Variants in NTM observed in about 807,000 individuals in gnomAD.
NTM encodes the protein IgLON family member 2.
NTM carries 13 observed loss-of-function variants against 42.1 expected under a neutral mutation model. The observed-to-expected ratio is 0.31, with a 90% CI of 0.20 to 0.49. The LOEUF (loss-of-function observed/expected upper bound fraction) is 0.49. NTM is among the 20% of genes least tolerant of loss of function. NTM has a pLI of 0.99. For missense variants in NTM, 373 were observed against 452.8 expected, an observed-to-expected ratio of 0.82 and a Z score of 1.60; for synonymous variants, 187 against 179.2, an observed-to-expected ratio of 1.04 and a Z score of -0.35.
At chr11:131,969,376 C>T (rs2063242368) in intron 2 of NTM, among the ~76,000 whole-genome samples, 1 of 152,246 alleles carries the variant, frequency 6.6e-6, no homozygotes, top group Admixed American at 6.5e-5. Flanking sequence ...ATGCTAGAAT[C>T]TACTCCATTC....
At chr11:132,114,424 G>T (rs1357142844) in intron 2 of NTM, among the ~76,000 whole-genome samples, 2 of 152,144 alleles carry the variant, frequency 1.3e-5, no homozygotes, top group East Asian at 3.9e-4. Context: ...GCCTTGGTTG[G>T]ATTGCAGTTG....
intron 4 of NTM, among the ~76,000 whole-genome samples, chr11:132,297,203 C>A (rs1373020494): frequency 1.3e-5 from 2 of 152,208 alleles, no homozygotes; most frequent in African/African-American, 4.8e-5. Context: ...AGTTTTCTCC[C>A]AGAATCTGAT....
rs139098265 is a variant in NTM at position 131,458,184 on chromosome 11, G to A, written c.82+87296G>A. Among the ~76,000 whole-genome samples the A allele has an allele frequency of 4.7e-3, 719 of 152,306 alleles. 6 individuals are homozygous for A. Among genetic ancestry groups the A allele is most frequent in the African/African-American group, 0.017 (692 of 41,554 alleles). ...CCTGGAGGCAGGAGGATGAAAAGAAGAGAGTGGGTTCTTGGTTTACAGGTG... is the reference window on the plus strand; with the variant it reads ...CCTGGAGGCAGGAGGATGAAAAGAAAAGAGTGGGTTCTTGGTTTACAGGTG... On this transcript the variant is annotated intron_variant, in intron 1 of 8. Coordinates refer to ENST00000683400, the MANE Select transcript of NTM (RefSeq NM_001352005.2).
chr11:131,432,958 C>A (rs1430669170), intron 1 of NTM, among the ~76,000 whole-genome samples: 1 of 147,390 alleles, frequency 6.8e-6, no homozygotes, highest in African/African-American at 2.5e-5. Context: ...TGGTTCATGC[C>A]ATTCTCCTGC....
intron 1 of NTM, among the ~76,000 whole-genome samples, chr11:131,555,878 G>GT (rs1380443657): frequency 1.3e-5 from 2 of 152,148 alleles, no homozygotes; most frequent in African/African-American, 4.8e-5. Context: ...ATGCCGAGGA[G>GT]TGATGGCACC....
At chr11:131,789,306 G>A (rs1365414199) in intron 1 of NTM, among the ~76,000 whole-genome samples, 1 of 150,112 alleles carries the variant, frequency 6.7e-6, no homozygotes, top group African/African-American at 2.5e-5. Flanking sequence ...AAAGACACAT[G>A]CCCAGTGAAA....
chr11:131,401,822 A>ATATATATATATATGTG (rs1945218978), intron 1 of NTM, among the ~76,000 whole-genome samples: 7 of 57,876 alleles, frequency 1.2e-4, no homozygotes, highest in East Asian at 4.8e-4. Context: ...ATATATATAT[A>ATATATATATATATGTG]TATATATATA....
chr11:131,627,005 GAGGATCTGGCGTGTTT>G (rs2137722868), intron 1 of NTM, among the ~76,000 whole-genome samples: 1 of 152,344 alleles, frequency 6.6e-6, no homozygotes, highest in Non-Finnish European at 1.5e-5. Context: ...AATGAGATGC[GAGGATCTGGCGTGTTT>G]GACAAGCTGG....
intron 1 of NTM, among the ~76,000 whole-genome samples, chr11:131,870,843 C>T (rs2047706420): frequency 1.3e-5 from 2 of 152,144 alleles, no homozygotes; most frequent in East Asian, 3.9e-4. Context: ...GGTCTCCCCA[C>T]CTCCCCTAAA....
chr11:131,847,292 TAA>T (rs1279745509), intron 1 of NTM, among the ~76,000 whole-genome samples: 2 of 152,002 alleles, frequency 1.3e-5, no homozygotes, highest in Non-Finnish European at 2.9e-5. Context: ...TTTAATTACA[TAA>T]GTTTCAATTC....
intron 1 of NTM, among the ~76,000 whole-genome samples, chr11:131,896,679 CTTTTTTTTTTTTT>C (rs71067345): frequency 9.9e-6 from 1 of 100,600 alleles, no homozygotes; most frequent in Non-Finnish European, 1.9e-5. Context: ...ACATTTTAGG[CTTTTTTTTTTTTT>C]TTTTTTTTTT....
In NTM at chr11:132,187,246, T is replaced by TGTGTGTGC. The variant is rs1491538600; in HGVS notation, c.401-24775_401-24774insTGTGTGCG. Among the ~76,000 whole-genome samples, 5 of 145,534 alleles carry TGTGTGTGC rather than the reference T, an allele frequency of 3.4e-5. No individual in the cohort carries two copies. The South Asian group carries it at 9.0e-4, about 26-fold the overall frequency. On this transcript the variant is annotated intron_variant, in intron 3 of 8. Coordinates refer to ENST00000683400, the MANE Select transcript of NTM (RefSeq NM_001352005.2). ...GTGTGTGTGTGTGTGTGTGTGTGTGTGCGTGTGCGTGTTTTAAGGATTGAA... is the reference window on the plus strand; with the variant it reads ...GTGTGTGTGTGTGTGTGTGTGTGTGTGTGTGTGCGCGTGTGCGTGTTTTAAGGATTGAA...
chr11:131,981,134 A>G (rs2065166534), intron 2 of NTM: 1 of 152,230 alleles, frequency 6.6e-6, no homozygotes. Context: ...TATCCAGCAA[A>G]TGCAACTGCA....
intron 1 of NTM, among the ~76,000 whole-genome samples, chr11:131,602,016 T>G (rs2060529241): frequency 6.6e-6 from 1 of 152,190 alleles, no homozygotes; most frequent in South Asian, 2.1e-4. Flanking sequence ...GATTTTTTAC[T>G]AGTAAAAATT....
intron 1 of NTM, among the ~76,000 whole-genome samples, chr11:131,821,885 C>T (rs1350735094): frequency 6.6e-6 from 1 of 152,174 alleles, no homozygotes; most frequent in Non-Finnish European, 1.5e-5. Flanking sequence ...GTTCTTACCC[C>T]AAAGAGGCTA....
intron 1 of NTM, among the ~76,000 whole-genome samples, chr11:131,641,745 T>C (rs916412310): frequency 1.3e-5 from 2 of 151,496 alleles, no homozygotes; most frequent in African/African-American, 4.8e-5. Context: ...TTTTTTTTTT[T>C]TTGATGGAGT....
intron 3 of NTM, among the ~76,000 whole-genome samples, chr11:132,194,837 T>TC (rs1555308126): frequency 7.0e-4 from 101 of 144,122 alleles, no homozygotes; most frequent in African/African-American, 2.6e-3. Context: ...TTTTTTTTTT[T>TC]TCTGAGACAG....
intron 1 of NTM, among the ~76,000 whole-genome samples, chr11:131,702,977 CAGTT>C (rs1270079408): frequency 4.6e-5 from 7 of 152,182 alleles, no homozygotes; most frequent in Admixed American, 2.0e-4. Flanking sequence ...TCTGAGAAAT[CAGTT>C]AGGGGAGAAG....
At chr11:132,133,452 T>C (rs60987707) in intron 2 of NTM, among the ~76,000 whole-genome samples, 4,064 of 152,284 alleles carry the variant, frequency 0.027, 172 homozygotes, top group African/African-American at 0.093. Flanking sequence ...TAAATGGGCA[T>C]ATAATCCCAT....
Sources: gnomAD v4.1 joint callset for allele counts (sites outside exome capture counted in the v4.1 genomes callset) on GRCh38, gnomAD v4.1.1 for gene constraint, MANE v1.5 for transcripts, NCBI Gene and HGNC (gene_info 2026-07-23, HGNC 2026-07-21) for gene names.